Variants in LAMB2 observed in about 807,000 individuals in gnomAD.
LAMB2 encodes the protein laminin subunit beta-2.
LAMB2 carries 119 observed loss-of-function variants against 202.7 expected under a neutral mutation model. That is an observed-to-expected ratio of 0.59 (90% CI 0.51 to 0.68). LAMB2 has a LOEUF of 0.68. Among genes scored for constraint, LAMB2 ranks in the 30% least tolerant of loss-of-function variants. The pLI, the probability that LAMB2 is intolerant of heterozygous loss-of-function variation, is 0.00. For synonymous variants in LAMB2, 818 were observed against 902.2 expected, an observed-to-expected ratio of 0.91 and a Z score of 1.67; for missense variants, 2,124 against 2,410.6, an observed-to-expected ratio of 0.88 and a Z score of 2.49.
chr3:49,128,788 G>C lies in LAMB2; in HGVS notation c.1763C>G (p.Pro588Arg). 1 of 1,613,798 alleles carries C rather than the reference G, an allele frequency of 6.2e-7. No individual in the cohort carries two copies. Among genetic ancestry groups the C allele is most frequent in the Middle Eastern group, 1.6e-4 (1 of 6,062 alleles). ...GCCAGTCCAGGATGGAGTTTCCCCG[G>C]GGGTCACCAGGCGCTCCACCACATC... Reference protein sequence around the residue: ...VLDVVERLVTPGETPSWTGSG... With the variant: ...VLDVVERLVTRGETPSWTGSG... The change falls in exon 14 of 32, where the codon CCC becomes CGC. Residue 588 changes from proline (P) to arginine (R), a missense_variant. Pro to Arg is a moderately radical substitution (Grantham distance 103). Transcript: ENST00000305544.
rs143723352 is a variant in LAMB2 at position 49,121,786 on chromosome 3, G to A, written c.4998C>T (p.Leu1666=). ...AGERARQLDA[L]LEALKLKRAG... Reference sequence around the variant, plus strand: ...CCCGTTTCAATTTCAGAGCCTCCAGGAGAGCATCCAACTGCCGAGCCCTTT... The same window carrying A: ...CCCGTTTCAATTTCAGAGCCTCCAGAAGAGCATCCAACTGCCGAGCCCTTT... Residue 1666 remains leucine, a synonymous_variant, in exon 30 of 32, where the codon CTC becomes CTT. Coordinates refer to ENST00000305544, the MANE Select transcript of LAMB2 (RefSeq NM_002292.4). 8.1e-6 allele frequency: 13 copies of A among 1,613,262 alleles called. No homozygotes were observed. Among genetic ancestry groups the A allele is most frequent in the Non-Finnish European group, 1.0e-5 (12 of 1,180,024 alleles).
chr3:49,132,831 G>A lies in LAMB2; in HGVS notation c.37C>T (p.Pro13Ser), dbSNP rs779008799. The A allele has an allele frequency of 3.7e-6, 6 of 1,614,016 alleles. No homozygotes were observed. In the African/African-American group the frequency reaches 4.0e-5, roughly 11 times the overall value. ...LTSRERGRGQ[P>S]LPWELRLGLL... ...CCCAGTCGAAGTTCCCAGGGCAGAG[G>A]CTGTCCCCTCCCTCTTTCCCTTGAG... Residue 13 changes from proline to serine, a missense_variant, in exon 1 of 32, where the codon CCT becomes TCT. Physicochemically the swap from Pro to Ser is moderately conservative, Grantham distance 74. Around this residue, in one of 3 missense-constraint regions of LAMB2, gnomAD observed 166 missense variants for 158.2 expected, o/e 1.05. Transcript: ENST00000305544. The surrounding 1 kb of genome is among the most constrained non-coding windows in gnomAD (Gnocchi z 4.6).
intron 15 of LAMB2, among the ~76,000 whole-genome samples, chr3:49,128,124 A>T (rs528053930): frequency 6.6e-6 from 1 of 152,128 alleles, no homozygotes; most frequent in Non-Finnish European, 1.5e-5. Context: ...GACCAGGCAC[A>T]TCCCTGCTCA....
In LAMB2 at chr3:49,123,768, C is replaced by A. The variant is rs141062242; in HGVS notation, c.3757G>T (p.Ala1253Ser). The part of the protein sequence containing the change: ...GIVGARNTSA[A>S]STAQLVEATE... ...GCCTCCACAAGCTGTGCAGTGGAGG[C>A]GGCTGAGGTGTTGCGGGCACCTACG... The change falls in exon 24 of 32, where the codon GCC becomes TCC. Residue 1253 changes from alanine to serine, a missense_variant. Physicochemically the swap from Ala to Ser is moderately conservative, Grantham distance 99 (BLOSUM62 1). This residue lies in a region of LAMB2 where 1,702 missense variants were observed against 1,896.3 expected (regional missense o/e 0.90). Transcript: ENST00000305544. 8 of 1,613,236 alleles carry A rather than the reference C, an allele frequency of 5.0e-6. No homozygotes were observed. The highest frequency in any genetic ancestry group is 1.1e-5 in the South Asian group (1 of 91,086).
At chr3:49,125,538 G>T in intron 18 of LAMB2, 54 bp from the exon 19 acceptor site, 1 of 1,452,598 alleles carries the variant, frequency 6.9e-7, no homozygotes, top group Non-Finnish European at 9.4e-7. Flanking sequence ...TGAGGGGAGT[G>T]TGGGTGGGGG....
rs142896683 is a variant in LAMB2, at chr3:49,121,832, C to A, written c.4952G>T (p.Arg1651Leu). Residue 1651 changes from arginine (R) to leucine (L), a missense_variant, in exon 30 of 32, where the codon CGG (arginine) becomes CTG (leucine). Transcript: ENST00000305544. ...CCTTTCACCTGCAGAGCTCAGTGCCCGCTCTGCACCTGCCATCCTCTCCTG... is the reference window on the plus strand; with the variant it reads ...CCTTTCACCTGCAGAGCTCAGTGCCAGCTCTGCACCTGCCATCCTCTCCTG... ...QVQERMAGAE[R>L]ALSSAGERAR... 6.2e-7 allele frequency: 1 copy of A among 1,612,884 alleles called. No individual in the cohort carries two copies.
Position 49,133,002 on chromosome 3 carries a change from G to A in LAMB2, c.-135C>T, listed in dbSNP as rs927912532. 2.6e-6 allele frequency: 2 copies of A among 766,134 alleles called. No homozygotes were observed. The highest frequency in any genetic ancestry group is 3.4e-5 in the African/African-American group (2 of 58,230). 47.5% of individuals were successfully genotyped at this position (766,134 alleles called of 1,614,324 possible). Reference sequence around the variant, plus strand: ...CCTCCAGGCCCTCTGTCAGTTCCCAGGTCTGTCCAGCGGTCCCTCCGACAG... The same window carrying A: ...CCTCCAGGCCCTCTGTCAGTTCCCAAGTCTGTCCAGCGGTCCCTCCGACAG... On this transcript the variant is annotated 5_prime_UTR_variant, in exon 1 of 32. Transcript: ENST00000305544.
chr3:49,126,895 T>C (rs979195043), intron 15 of LAMB2, among the ~76,000 whole-genome samples: 2 of 152,200 alleles, frequency 1.3e-5, no homozygotes, highest in Admixed American at 6.5e-5. Flanking sequence ...TCCTTTCCCA[T>C]TGTGCTGCAA....
At chr3:49,127,651 C>T (rs1044734173) in intron 15 of LAMB2, among the ~76,000 whole-genome samples, 8 of 151,728 alleles carry the variant, frequency 5.3e-5, no homozygotes, top group Admixed American at 2.6e-4. Flanking sequence ...GCCGAGATCG[C>T]GCCAGTGCAC....
At position 49,126,811 on chromosome 3, in the gene LAMB2, C is replaced by T. The variant is rs1031735793; in HGVS notation, c.2019-314G>A. On this transcript the variant is annotated intron_variant, in intron 15 of 31. Transcript: ENST00000305544. ...AACCACCTCACGCTTCCTCTGACCCCGACCTACAACCTACAATGGCTGCTC... is the reference window on the plus strand; with the variant it reads ...AACCACCTCACGCTTCCTCTGACCCTGACCTACAACCTACAATGGCTGCTC... Among the ~76,000 whole-genome samples, 11 of 152,138 alleles carry T rather than the reference C, an allele frequency of 7.2e-5. No individual in the cohort carries two copies. In the East Asian group the frequency reaches 9.6e-4, roughly 13 times the overall value.
In LAMB2 at chr3:49,124,115, A is replaced by G. The variant is rs1339308313; in HGVS notation, c.3425-15T>C. ...ACAATCACAGGCTGCAAGAAAGAGC[A>G]GAGCACAGAGTTAGGGTCACTGTGG... On this transcript the variant is annotated splice_polypyrimidine_tract_variant and intron_variant, in intron 23 of 31. Transcript: ENST00000305544. 1.2e-6 allele frequency: 2 copies of G among 1,614,178 alleles called. No individual in the cohort carries two copies. The highest frequency in any genetic ancestry group is 1.1e-5 in the South Asian group (1 of 91,090).
At chr3:49,122,653 G>T in intron 27 of LAMB2, 51 bp downstream of exon 27, 1 of 1,436,952 alleles carries the variant, frequency 7.0e-7, no homozygotes, top group South Asian at 1.1e-5. Flanking sequence ...ACAGACACCG[G>T]GAGTTGCCAA....
Position 49,123,569 on chromosome 3 carries a change from T to G in LAMB2, c.3860A>C (p.Gln1287Pro). ...TQLEADLTDV[Q>P]DENFNANHAL... ...ATGGTTGGCATTGAAGTTCTCATCT[T>G]GCACATCTGTCAGGTCTGCCTCGAG... The change falls in exon 25 of 32, where the codon CAA becomes CCA. Residue 1287 changes from glutamine (Q) to proline (P), a missense_variant. Gln to Pro is a moderately conservative substitution (Grantham distance 76, BLOSUM62 -1). Coordinates refer to ENST00000305544, the MANE Select transcript of LAMB2 (RefSeq NM_002292.4). 1 of 1,614,220 alleles carries G rather than the reference T, an allele frequency of 6.2e-7. No individual in the cohort carries two copies. The highest frequency in any genetic ancestry group is 8.5e-7 in the Non-Finnish European group (1 of 1,180,040).
In LAMB2 at chr3:49,121,455, C is replaced by T. The variant is rs1283105238; in HGVS notation, c.5238G>A (p.Gln1746=). The part of the protein sequence containing the change: ...DEARDLLQAA[Q]DKLQRLQELE... ...TACCCTGTAGCCGCTGCAGCTTGTC[C>T]TGAGCGGCTTGCAACAGGTCCCGAG... The change falls in exon 31 of 32, where the codon CAG becomes CAA. Residue 1746 remains glutamine (Q), a synonymous_variant. Transcript: ENST00000305544. 6.2e-7 allele frequency: 1 copy of T among 1,614,074 alleles called. No homozygotes were observed.
chr3:49,128,018 C>CAAAAAAAAAAAAAAAAAAAAA (rs1156873652), intron 15 of LAMB2, among the ~76,000 whole-genome samples: 33 of 32,734 alleles, frequency 1.0e-3, no homozygotes, highest in Middle Eastern at 0.017. Context: ...GACTCCGTCT[C>CAAAAAAAAAAAAAAAAAAAAA]AAAAAAAAAA....
Position 49,121,973 on chromosome 3 carries a change from T to G in LAMB2, c.4894A>C (p.Thr1632Pro). ...QGAIRGAVAD[T>P]RDTEQTLYQV... is the part of the protein sequence containing the mutation. ...TACAGGGTCTGCTCTGTGTCCCGTG[T>G]GTCAGCCACTGCCCCCCGGATGGCA... Residue 1632 changes from threonine (T) to proline (P), a missense_variant, in exon 29 of 32, where the codon ACA becomes CCA. Thr to Pro is a conservative substitution (Grantham distance 38, BLOSUM62 -1). Around this residue, in one of 3 missense-constraint regions of LAMB2, gnomAD observed 1,702 missense variants for 1,896.3 expected, o/e 0.90. Transcript: ENST00000305544. 1 of 1,614,024 alleles carries G rather than the reference T, an allele frequency of 6.2e-7. No homozygotes were observed. Among genetic ancestry groups the G allele is most frequent in the Non-Finnish European group, 8.5e-7 (1 of 1,180,036 alleles).
In LAMB2 at chr3:49,129,153, C is replaced by T. The variant is rs1330915067; in HGVS notation, c.1599-1G>A. 1 of 1,614,110 alleles carries T rather than the reference C, an allele frequency of 6.2e-7. No homozygotes were observed. Among genetic ancestry groups the T allele is most frequent in the Admixed American group, 1.7e-5 (1 of 60,028 alleles). On this transcript the variant is annotated splice_acceptor_variant, in intron 12 of 31. Coordinates refer to ENST00000305544, the MANE Select transcript of LAMB2 (RefSeq NM_002292.4). LOFTEE classifies it high-confidence loss of function. This position sits in a 1 kb window ranked among gnomAD's most constrained non-coding sequence, Gnocchi z 6.1. ...GCATTGACCTGTGCCCTCATCACACCTGGAGGGAACTCTGTGGTTACTCAA... is the reference window on the plus strand; with the variant it reads ...GCATTGACCTGTGCCCTCATCACACTTGGAGGGAACTCTGTGGTTACTCAA...
Position 49,124,431 on chromosome 3 carries a change from G to A in LAMB2, c.3291C>T (p.Cys1097=), listed in dbSNP as rs1381557251. The part of the protein sequence containing the change: ...TSGHGCQPCA[C]HPSRARGPTC... ...TGGGGCCTCTGGCCCGGCTTGGGTG[G>A]CAGGCACAAGGCTGGCAACCATGGC... is the stretch of plus-strand genomic sequence containing the variant. The change falls in exon 22 of 32, where the codon TGC becomes TGT. Residue 1097 remains cysteine, a synonymous_variant. Coordinates refer to ENST00000305544, the MANE Select transcript of LAMB2 (RefSeq NM_002292.4). 4 of 1,613,522 alleles carry A rather than the reference G, an allele frequency of 2.5e-6. No homozygotes were observed. The highest frequency in any genetic ancestry group is 2.5e-6 in the Non-Finnish European group (3 of 1,179,950).
chr3:49,127,081 G>A (rs1427911965), intron 15 of LAMB2, among the ~76,000 whole-genome samples: 3 of 152,128 alleles, frequency 2.0e-5, no homozygotes, highest in African/African-American at 7.2e-5. Flanking sequence ...GACCTCCTGG[G>A]TTCAAGATAT....
Sources: allele counts gnomAD v4.1 joint callset (sites outside exome capture counted in the v4.1 genomes callset), GRCh38; gene constraint gnomAD v4.1.1; regional missense constraint gnomAD v4.1.1; non-coding constraint Gnocchi (gnomAD v3.1); transcripts MANE v1.5; gene names NCBI Gene and HGNC (gene_info 2026-07-23, HGNC 2026-07-21).